Variants in PLXNA4 observed in about 807,000 individuals in gnomAD.
PLXNA4 encodes the protein plexin A4, also known as plexin-A4.
In PLXNA4, 44 loss-of-function variants were observed where a neutral mutation model predicts 191.8. The observed-to-expected ratio is 0.23, with a 90% CI of 0.18 to 0.29. The LOEUF (loss-of-function observed/expected upper bound fraction) is 0.29, where lower values mean the gene tolerates loss of function less well. PLXNA4 is among the 10% of genes least tolerant of loss of function. The probability of loss-of-function intolerance (pLI) is 1.00; values close to 1 mark genes in which losing one functional copy is unlikely to be tolerated. For synonymous variants in PLXNA4, 1,082 were observed against 1,009.5 expected (o/e 1.07, Z -1.36); for missense variants, 1,800 against 2,488.8 (o/e 0.72, Z 5.89).
intron 3 of PLXNA4, among the ~76,000 whole-genome samples, chr7:132,377,490 C>T (rs1214894618): frequency 2.0e-5 from 3 of 152,110 alleles, no homozygotes; most frequent in African/African-American, 4.8e-5. Flanking sequence ...TCCTCTGTTC[C>T]CCTGTGCAGG....
intron 3 of PLXNA4, among the ~76,000 whole-genome samples, chr7:132,481,846 C>G (rs1797350636): frequency 1.3e-5 from 2 of 152,202 alleles, no homozygotes; most frequent in African/African-American, 4.8e-5. Flanking sequence ...GCTGAGCCCC[C>G]AGGCCTCCTT....
intron 4 of PLXNA4, among the ~76,000 whole-genome samples, chr7:132,256,212 C>T (rs1799426324): frequency 6.6e-6 from 1 of 152,198 alleles, no homozygotes; most frequent in Non-Finnish European, 1.5e-5. Flanking sequence ...AGCCTCCAGA[C>T]ACAATTAAAC....
intron 4 of PLXNA4, among the ~76,000 whole-genome samples, chr7:132,288,779 A>T (rs949720612): frequency 1.3e-5 from 2 of 152,082 alleles, no homozygotes; most frequent in Non-Finnish European, 2.9e-5. Flanking sequence ...TGAGGGCAGG[A>T]CTCATTTTCA....
At chr7:132,520,467 C>A (rs1023900390) in intron 1 of PLXNA4, among the ~76,000 whole-genome samples, 1 of 152,190 alleles carries the variant, frequency 6.6e-6, no homozygotes, top group African/African-American at 2.4e-5. Flanking sequence ...ATTGAAACTG[C>A]CCCACCCACC....
chr7:132,173,425 C>T (rs1357070320), intron 21 of PLXNA4, among the ~76,000 whole-genome samples: 3 of 152,114 alleles, frequency 2.0e-5, no homozygotes, highest in Admixed American at 6.5e-5. Context: ...AGAAAAGGTG[C>T]CTTGTCGATG....
chr7:132,277,057 A>C (rs906081650), intron 4 of PLXNA4, among the ~76,000 whole-genome samples: 3 of 152,190 alleles, frequency 2.0e-5, no homozygotes, highest in African/African-American at 7.2e-5. Context: ...GGGATTGAGA[A>C]GATATTAGTG....
chr7:132,291,457 C>A (rs560699769), intron 4 of PLXNA4, among the ~76,000 whole-genome samples: 1 of 152,174 alleles, frequency 6.6e-6, no homozygotes, highest in Non-Finnish European at 1.5e-5. Flanking sequence ...AGGATAAGGA[C>A]TTTGCTTGTA....
intron 3 of PLXNA4, among the ~76,000 whole-genome samples, chr7:132,349,084 A>G (rs1160695041): frequency 6.6e-6 from 1 of 152,208 alleles, no homozygotes; most frequent in Non-Finnish European, 1.5e-5. Flanking sequence ...AGATGGGTCA[A>G]GGACCATAAT....
chr7:132,409,935 C>T (rs755930930), intron 3 of PLXNA4, among the ~76,000 whole-genome samples: 4 of 152,214 alleles, frequency 2.6e-5, no homozygotes, highest in African/African-American at 7.2e-5. Flanking sequence ...AGACTCTTCA[C>T]CCAGCATTAA....
chr7:132,507,547 G>C lies in PLXNA4; in HGVS notation c.1147C>G (p.Leu383Val). The C allele has an allele frequency of 6.2e-7, 1 of 1,613,852 alleles. No homozygotes were observed. The highest frequency in any genetic ancestry group is 8.5e-7 in the Non-Finnish European group (1 of 1,179,976). Residue 383 changes from leucine to valine, a missense_variant, in exon 2 of 32, where the codon CTG (leucine) becomes GTG (valine). Coordinates refer to ENST00000321063, the MANE Select transcript of PLXNA4 (RefSeq NM_020911.2). ...SCYRGEGTLDLAWLKVKDIPC... is the reference protein window; with the variant it reads ...SCYRGEGTLDVAWLKVKDIPC... Reference sequence around the variant, plus strand: ...ATGTCCTTCACCTTGAGCCAGGCCAGGTCCAGCGTGCCCTCGCCCCGGTAA... The same window carrying C: ...ATGTCCTTCACCTTGAGCCAGGCCACGTCCAGCGTGCCCTCGCCCCGGTAA...
intron 8 of PLXNA4, among the ~76,000 whole-genome samples, chr7:132,224,542 A>G (rs1209775560): frequency 6.6e-6 from 1 of 152,070 alleles, no homozygotes; most frequent in Non-Finnish European, 1.5e-5. Context: ...TGTTGCATTG[A>G]TTTTTGACTC....
chr7:132,568,604 A>G (rs1801841846), intron 1 of PLXNA4, among the ~76,000 whole-genome samples: 1 of 152,050 alleles, frequency 6.6e-6, no homozygotes, highest in African/African-American at 2.4e-5. Context: ...AACTGCAGCC[A>G]TTTTCCTGTT....
At chr7:132,615,393 C>T (rs182481358) in intron 2 of PLXNA4, among the ~76,000 whole-genome samples, 4 of 152,180 alleles carry the variant, frequency 2.6e-5, no homozygotes, top group Non-Finnish European at 5.9e-5. Flanking sequence ...CTTCTGCAGC[C>T]CCCGCCCCTG....
chr7:132,568,564 C>T (rs1801839152), intron 1 of PLXNA4, among the ~76,000 whole-genome samples: 1 of 152,208 alleles, frequency 6.6e-6, no homozygotes, highest in African/African-American at 2.4e-5. Flanking sequence ...TGAGTCCCAC[C>T]TGACATCACG....
chr7:132,443,867 C>T (rs913979562), intron 3 of PLXNA4, among the ~76,000 whole-genome samples: 5 of 152,180 alleles, frequency 3.3e-5, no homozygotes, highest in African/African-American at 1.2e-4. Flanking sequence ...TTCCAAGCAA[C>T]ATAATAATAG....
intron 3 of PLXNA4, among the ~76,000 whole-genome samples, chr7:132,332,773 TC>T (rs1802643422): frequency 6.6e-6 from 1 of 150,980 alleles, no homozygotes; most frequent in East Asian, 2.0e-4. Flanking sequence ...AGTAGAAGGA[TC>T]ATTTGAGCCC....
intron 1 of PLXNA4, among the ~76,000 whole-genome samples, chr7:132,537,380 A>C (rs1045416497): frequency 2.0e-5 from 3 of 152,240 alleles, no homozygotes; most frequent in African/African-American, 7.2e-5. Context: ...TAACAATCTA[A>C]TGATAAGATT....
intron 3 of PLXNA4, among the ~76,000 whole-genome samples, chr7:132,412,709 G>A (rs762382856): frequency 6.6e-5 from 10 of 152,248 alleles, no homozygotes; most frequent in Non-Finnish European, 1.0e-4. Flanking sequence ...GGAGTTCTTC[G>A]TTTTCAGGGA....
intron 4 of PLXNA4, among the ~76,000 whole-genome samples, chr7:132,272,345 C>T (rs960188628): frequency 6.6e-6 from 1 of 152,216 alleles, no homozygotes; most frequent in Non-Finnish European, 1.5e-5. Context: ...TTCTCAGTTT[C>T]TCATCTGTAA....
Sources: allele counts gnomAD v4.1 joint callset (sites outside exome capture counted in the v4.1 genomes callset), GRCh38; gene constraint gnomAD v4.1.1; transcripts MANE v1.5; gene names NCBI Gene and HGNC (gene_info 2026-07-23, HGNC 2026-07-21).